MPDZ: variants seen among roughly 807,000 people sequenced by gnomAD.
MPDZ encodes the protein multiple PDZ domain crumbs cell polarity complex component.
Under a neutral mutation model 239.1 loss-of-function variants are expected in MPDZ, and 234 were observed. The observed-to-expected ratio is 0.98, with a 90% CI of 0.88 to 1.09. The LOEUF (loss-of-function observed/expected upper bound fraction) is 1.09. Ranked by LOEUF, MPDZ falls within the 50% of genes least tolerant of loss-of-function variation. The pLI is 0.00. For missense variants in MPDZ, 3,175 were observed against 2,510.0 expected, an observed-to-expected ratio of 1.26 and a Z score of -5.66; for synonymous variants, 1,048 against 881.3, an observed-to-expected ratio of 1.19 and a Z score of -3.35.
At chr9:13,221,679 C>T (rs1209227704) in intron 6 of MPDZ, among the ~76,000 whole-genome samples, 179 bp from the exon 7 acceptor site, 1 of 151,808 alleles carries the variant, frequency 6.6e-6, no homozygotes, top group Non-Finnish European at 1.5e-5. Context: ...AATGTAAGTG[C>T]CATTGACAGA....
chr9:13,245,068 G>A (rs1304786949), intron 3 of MPDZ, among the ~76,000 whole-genome samples: 1 of 152,028 alleles, frequency 6.6e-6, no homozygotes, highest in Non-Finnish European at 1.5e-5. Flanking sequence ...CTAGCCATTG[G>A]TCAGATTTGT....
intron 12 of MPDZ, among the ~76,000 whole-genome samples, chr9:13,201,373 A>C (rs1165858657): frequency 6.6e-6 from 1 of 150,832 alleles, no homozygotes; most frequent in Non-Finnish European, 1.5e-5. Context: ...TTATTTTGCT[A>C]GTCTGATTAT....
chr9:13,194,056 T>A (rs970924258), intron 13 of MPDZ, among the ~76,000 whole-genome samples: 2 of 152,140 alleles, frequency 1.3e-5, no homozygotes, highest in African/African-American at 4.8e-5. Context: ...GAAAACCCAA[T>A]TTAGGCATCA....
intron 31 of MPDZ, chr9:13,135,447 C>G (rs1204964752): frequency 6.6e-6 from 1 of 152,124 alleles, no homozygotes; most frequent in Non-Finnish European, 1.5e-5. Flanking sequence ...TAACTGTTTC[C>G]TGAATTATTC....
In MPDZ at chr9:13,168,372, T is replaced by A. The variant is rs746752499; in HGVS notation, c.3248A>T (p.Asp1083Val). 1.2e-6 allele frequency: 2 copies of A among 1,612,200 alleles called. No homozygotes were observed. Among genetic ancestry groups the A allele is most frequent in the South Asian group, 2.2e-5 (2 of 90,786 alleles). Reference sequence around the variant, plus strand: ...GGCTTCAAATGATACTTACTTTATGTCAGGGCCAATGAGAGAATGTCTTCT... The same window carrying A: ...GGCTTCAAATGATACTTACTTTATGACAGGGCCAATGAGAGAATGTCTTCT... ...MLRRHSLIGP[D>V]IKITYVPAEH... The change falls in exon 22 of 47, where the codon GAC (aspartate) becomes GTC (valine). Residue 1083 changes from aspartate to valine, a missense_variant. Transcript: ENST00000319217.
intron 10 of MPDZ, among the ~76,000 whole-genome samples, chr9:13,216,282 A>C (rs184109043): frequency 6.6e-6 from 1 of 151,188 alleles, no homozygotes; most frequent in Non-Finnish European, 1.5e-5. Flanking sequence ...GCTTGAACTA[A>C]TTACAAGAAG....
chr9:13,257,622 C>T (rs1057434537), intron 1 of MPDZ, among the ~76,000 whole-genome samples: 1 of 152,162 alleles, frequency 6.6e-6, no homozygotes, highest in Non-Finnish European at 1.5e-5. Context: ...GAAGCATAGA[C>T]TATTCTGCAA....
At chr9:13,185,626 C>A (rs2134643474) in intron 18 of MPDZ, among the ~76,000 whole-genome samples, 1 of 152,088 alleles carries the variant, frequency 6.6e-6, no homozygotes, top group Middle Eastern at 3.4e-3. Flanking sequence ...TAGTTTTATC[C>A]TTTAGTTATT....
At chr9:13,255,436 T>C (rs1439968211) in intron 1 of MPDZ, among the ~76,000 whole-genome samples, 1 of 152,190 alleles carries the variant, frequency 6.6e-6, no homozygotes, top group African/African-American at 2.4e-5. Context: ...TTCCAAAAGG[T>C]TTTCCATTTA....
chr9:13,109,815 T>G, intron 45 of MPDZ, 137 bp downstream of exon 45: 1 of 676,286 alleles, frequency 1.5e-6, no homozygotes, highest in Middle Eastern at 3.6e-4. Flanking sequence ...GCACCTGATA[T>G]GTATAATTCA....
intron 10 of MPDZ, among the ~76,000 whole-genome samples, chr9:13,215,773 T>TTC (rs1958237098): frequency 7.2e-6 from 1 of 138,912 alleles, no homozygotes; most frequent in Non-Finnish European, 1.6e-5. Context: ...TTTTTTTTTT[T>TTC]TGTCTTTTTT....
intron 24 of MPDZ, among the ~76,000 whole-genome samples, chr9:13,154,334 A>G (rs934219174): frequency 1.3e-4 from 20 of 148,482 alleles, no homozygotes; most frequent in African/African-American, 2.6e-4. Context: ...TTATGTAGGG[A>G]AAAAAAAGGC....
intron 19 of MPDZ, 70 bp downstream of exon 19, chr9:13,183,348 T>C (rs1217374469): frequency 2.3e-6 from 3 of 1,277,930 alleles, no homozygotes; most frequent in Middle Eastern, 1.9e-4. Context: ...CAACTCCCCA[T>C]AAGGACTGAG....
At chr9:13,247,431 CATCTACAAT>C (rs1966822880) in intron 3 of MPDZ, among the ~76,000 whole-genome samples, 195 bp downstream of exon 3, 1 of 152,140 alleles carries the variant, frequency 6.6e-6, no homozygotes, top group Admixed American at 6.6e-5. Context: ...AATGTCATAT[CATCTACAAT>C]ATACAGCAAC....
intron 3 of MPDZ, among the ~76,000 whole-genome samples, chr9:13,229,332 G>A (rs1201464744): frequency 6.6e-6 from 1 of 151,932 alleles, no homozygotes; most frequent in Non-Finnish European, 1.5e-5. Context: ...CAGAAGGCAA[G>A]AAATACTGGC....
At chr9:13,277,581 T>C (rs977387738) in intron 1 of MPDZ, among the ~76,000 whole-genome samples, 2 of 152,174 alleles carry the variant, frequency 1.3e-5, no homozygotes, top group Admixed American at 1.3e-4. Context: ...TACTTATTTA[T>C]TGAGTCAGAG....
intron 32 of MPDZ, among the ~76,000 whole-genome samples, chr9:13,129,886 AATTAAACAGCTAGAAAAGAGT>A (rs1945700872): frequency 6.6e-6 from 1 of 152,194 alleles, no homozygotes; most frequent in South Asian, 2.1e-4. Context: ...CGAGTTGTAT[AATTAAACAGCTAGAAAAGAGT>A]AAACAAGAAT....
At position 13,183,614 on chromosome 9, in the gene MPDZ, G is replaced by C. The variant is rs775028172; in HGVS notation, c.2482-29C>G. The C allele has an allele frequency of 2.5e-6, 4 of 1,605,380 alleles. No individual in the cohort carries two copies. In the African/African-American group the frequency reaches 5.4e-5, roughly 22 times the overall value. Reference sequence around the variant, plus strand: ...GAAACAAAACAATAATATCAGTTGGGAATTCTGTTCTATTACATATATGAC... The same window carrying C: ...GAAACAAAACAATAATATCAGTTGGCAATTCTGTTCTATTACATATATGAC... On this transcript the variant is annotated intron_variant, in intron 18 of 46. Coordinates refer to ENST00000319217, the MANE Select transcript of MPDZ (RefSeq NM_001378778.1).
chr9:13,245,764 C>T (rs531637087), intron 3 of MPDZ, among the ~76,000 whole-genome samples: 5 of 152,234 alleles, frequency 3.3e-5, no homozygotes, highest in African/African-American at 7.2e-5. Flanking sequence ...ATCTGAATCA[C>T]GTGGGACCCA....
Sources: allele counts gnomAD v4.1 joint callset (sites outside exome capture counted in the v4.1 genomes callset), GRCh38; gene constraint gnomAD v4.1.1; transcripts MANE v1.5; gene names NCBI Gene and HGNC (gene_info 2026-07-23, HGNC 2026-07-21).